CYTH3: variants seen among roughly 807,000 people sequenced by gnomAD.
CYTH3 encodes the protein cytohesin-3.
CYTH3 carries 23 observed loss-of-function variants against 55.1 expected under a neutral mutation model. The observed-to-expected ratio is 0.42, with a 90% CI of 0.30 to 0.59. The LOEUF (loss-of-function observed/expected upper bound fraction) is 0.59, where lower values mean the gene tolerates loss of function less well. Among genes scored for constraint, CYTH3 ranks in the 20% least tolerant of loss-of-function variants. The pLI, the probability that CYTH3 is intolerant of heterozygous loss-of-function variation, is 0.20. For missense variants in CYTH3, 413 were observed against 524.8 expected (o/e 0.79, Z 2.08); for synonymous variants, 249 against 194.9 (o/e 1.28, Z -2.31).
intron 1 of CYTH3, among the ~76,000 whole-genome samples, chr7:6,268,536 C>T (rs1351830975): frequency 6.6e-6 from 1 of 152,198 alleles, no homozygotes; most frequent in Non-Finnish European, 1.5e-5. Flanking sequence ...TTCCTCGTTC[C>T]TTTCTACAAC....
chr7:6,232,302 G>A (rs1779407555), intron 1 of CYTH3, among the ~76,000 whole-genome samples: 1 of 152,128 alleles, frequency 6.6e-6, no homozygotes, highest in South Asian at 2.1e-4. Flanking sequence ...AGCACCCCGG[G>A]ACACACTCTT....
chr7:6,168,328 A>C (rs1290630977), intron 9 of CYTH3, among the ~76,000 whole-genome samples: 1 of 151,808 alleles, frequency 6.6e-6, no homozygotes, highest in African/African-American at 2.4e-5. Context: ...CGCTCTGGCA[A>C]AGCATCCAGG....
chr7:6,245,927 G>C (rs1465041946), intron 1 of CYTH3, among the ~76,000 whole-genome samples: 3 of 152,042 alleles, frequency 2.0e-5, no homozygotes, highest in Admixed American at 1.3e-4. Context: ...ACCGAGTTTG[G>C]GGAGGAATCA....
rs573016093 is a variant in CYTH3 at position 6,222,810 on chromosome 7, A to G, written c.35-32279T>C. Among the ~76,000 whole-genome samples the G allele has an allele frequency of 4.6e-5, 7 of 152,086 alleles. No individual in the cohort carries two copies. The South Asian group carries it at 1.2e-3, about 27-fold the overall frequency. ...ACTGAACCAATTTTATATAACCATTATACATTATTATAAAGTGTTCCACAT... is the reference window on the plus strand; with the variant it reads ...ACTGAACCAATTTTATATAACCATTGTACATTATTATAAAGTGTTCCACAT... On this transcript the variant is annotated intron_variant, in intron 1 of 12. Transcript: ENST00000350796.
At chr7:6,257,482 C>CT (rs1427602878) in intron 1 of CYTH3, among the ~76,000 whole-genome samples, 2 of 152,166 alleles carry the variant, frequency 1.3e-5, no homozygotes, top group African/African-American at 4.8e-5. Flanking sequence ...TTACTGCATA[C>CT]TTCTAAATGT....
rs545166209 is a variant in CYTH3 at position 6,193,908 on chromosome 7, G to A, written c.35-3377C>T. Among the ~76,000 whole-genome samples the A allele has an allele frequency of 3.4e-4, 51 of 152,140 alleles. 1 individual carries two copies. The South Asian group carries it at 5.0e-3, about 15-fold the overall frequency. On this transcript the variant is annotated intron_variant, in intron 1 of 12. Coordinates refer to ENST00000350796, the MANE Select transcript of CYTH3 (RefSeq NM_004227.4). ...ACTGGGCTCCCCGACTGCAGGCCAC[G>A]GGCCATTTACTCCTCTCCCACCACC...
intron 1 of CYTH3, among the ~76,000 whole-genome samples, chr7:6,208,869 A>G (rs1442549874): frequency 1.3e-5 from 2 of 152,198 alleles, no homozygotes; most frequent in African/African-American, 4.8e-5. Context: ...CATGGTCTAA[A>G]GATCTTCTCC....
intron 1 of CYTH3, among the ~76,000 whole-genome samples, chr7:6,271,254 T>C (rs1019120285): frequency 6.6e-6 from 1 of 152,164 alleles, no homozygotes; most frequent in Non-Finnish European, 1.5e-5. Context: ...CTTCCCACCA[T>C]CCTGGCTGCA....
chr7:6,214,224 G>T (rs112195640), intron 1 of CYTH3, among the ~76,000 whole-genome samples: 4,044 of 152,302 alleles, frequency 0.027, 75 homozygotes, highest in Middle Eastern at 0.065. Flanking sequence ...TAATCGTGGA[G>T]CCTAGGTGGG....
intron 1 of CYTH3, among the ~76,000 whole-genome samples, chr7:6,209,314 A>G (rs189161754): frequency 6.6e-6 from 1 of 152,346 alleles, no homozygotes; most frequent in East Asian, 1.9e-4. Flanking sequence ...ACAAATCAAA[A>G]CAAAAAATAT....
chr7:6,254,147 G>A (rs1429267389), intron 1 of CYTH3, among the ~76,000 whole-genome samples: 1 of 152,076 alleles, frequency 6.6e-6, no homozygotes, highest in Non-Finnish European at 1.5e-5. Context: ...TCGCACCACT[G>A]CACTCCAGCC....
Position 6,171,188 on chromosome 7 carries a change from G to C in CYTH3, c.562+14C>G. 1 of 1,613,796 alleles carries C rather than the reference G, an allele frequency of 6.2e-7. No individual in the cohort carries two copies. Among genetic ancestry groups the C allele is most frequent in the Non-Finnish European group, 8.5e-7 (1 of 1,179,720 alleles). On this transcript the variant is annotated intron_variant, in intron 7 of 12. Coordinates refer to ENST00000350796, the MANE Select transcript of CYTH3 (RefSeq NM_004227.4). This position sits in a 1 kb window ranked among gnomAD's most constrained non-coding sequence, Gnocchi z 6.7. ...GTGCCTGGCAAGGGGCCAGGCTGTG[G>C]GCTCTGCACTGACCTGTGGACTGGA...
At chr7:6,221,623 T>G (rs575449370) in intron 1 of CYTH3, among the ~76,000 whole-genome samples, 169 of 152,178 alleles carry the variant, frequency 1.1e-3, no homozygotes, top group Middle Eastern at 3.4e-3. Context: ...TGTGAGGAAA[T>G]GAGTGAAGGG....
intron 4 of CYTH3, among the ~76,000 whole-genome samples, chr7:6,182,952 C>T (rs1353499079): frequency 2.0e-5 from 3 of 152,186 alleles, no homozygotes; most frequent in Admixed American, 6.5e-5. Context: ...TCACTGTTGG[C>T]CTAACAGAAT....
chr7:6,249,458 C>G (rs1466092292), intron 1 of CYTH3, among the ~76,000 whole-genome samples: 2 of 152,178 alleles, frequency 1.3e-5, no homozygotes, highest in Non-Finnish European at 2.9e-5. Context: ...GTAGAAAACC[C>G]TCCCAGCACA....
rs767923524 is a variant in CYTH3 at position 6,165,794 on chromosome 7, G to A, written c.840C>T (p.Thr280=). The change falls in exon 10 of 13, where the codon ACC becomes ACT. Residue 280 remains threonine, a synonymous_variant. Transcript: ENST00000350796. ...WLLKLGGRVK[T]WKRRWFILTD... ...TCAGGATGAACCACCGGCGCTTCCA[G>A]GTCTTCACACGCCCTCCTAGAAGCA... 1.2e-6 allele frequency: 2 copies of A among 1,613,996 alleles called. No homozygotes were observed. The highest frequency in any genetic ancestry group is 1.3e-5 in the African/African-American group (1 of 74,920).
chr7:6,259,816 ATATATAT>A (rs1780296048), intron 1 of CYTH3, among the ~76,000 whole-genome samples: 3 of 20,582 alleles, frequency 1.5e-4, no homozygotes, highest in Non-Finnish European at 2.0e-4. Flanking sequence ...TATATATAAT[ATATATAT>A]ATATATATAT....
chr7:6,199,853 G>A (rs151226869), intron 1 of CYTH3, among the ~76,000 whole-genome samples: 1 of 152,280 alleles, frequency 6.6e-6, no homozygotes, highest in Non-Finnish European at 1.5e-5. Context: ...GGTTGGGAGG[G>A]AGAAAGGAAA....
intron 1 of CYTH3, among the ~76,000 whole-genome samples, chr7:6,236,527 T>G (rs184706217): frequency 2.0e-5 from 3 of 149,798 alleles, no homozygotes; most frequent in Admixed American, 2.0e-4. Flanking sequence ...AACTATTTCT[T>G]ATGATTAAGT....
Sources: gnomAD v4.1 joint callset for allele counts (sites outside exome capture counted in the v4.1 genomes callset) on GRCh38, gnomAD v4.1.1 for gene constraint, Gnocchi (gnomAD v3.1) non-coding constraint, MANE v1.5 for transcripts, NCBI Gene and HGNC (gene_info 2026-07-23, HGNC 2026-07-21) for gene names.